SIAE: variants seen among roughly 807,000 people sequenced by gnomAD.
SIAE encodes the protein sialic acid acetylesterase, also known as sialate O-acetylesterase.
In SIAE, 39 loss-of-function variants were observed where a neutral mutation model predicts 52.6. That is an observed-to-expected ratio of 0.74 (90% CI 0.57 to 0.97). The LOEUF (loss-of-function observed/expected upper bound fraction) is 0.97, where lower values mean the gene tolerates loss of function less well. Ranked by LOEUF, SIAE falls within the 50% of genes least tolerant of loss-of-function variation. The pLI is 0.00. For missense variants in SIAE, 592 were observed against 662.1 expected (o/e 0.89, Z 1.16); for synonymous variants, 233 against 241.4 (o/e 0.97, Z 0.32).
At chr11:124,673,851 TTCTCGGCCGCCG>T, upstream of SIAE, 1 of 780,280 alleles carries the variant, frequency 1.3e-6, no homozygotes. Flanking sequence ...TACTCGCCCC[TTCTCGGCCGCCG>T]TAGTTTTTTT....
chr11:124,671,697 A>C (rs1290686170), intron 1 of SIAE, among the ~76,000 whole-genome samples: 1 of 152,290 alleles, frequency 6.6e-6, no homozygotes, highest in East Asian at 1.9e-4. Context: ...AGAGAATGAG[A>C]AAGAGAGCAA....
intron 3 of SIAE, among the ~76,000 whole-genome samples, chr11:124,657,725 G>A (rs1943123878): frequency 6.6e-6 from 1 of 152,154 alleles, no homozygotes; most frequent in Non-Finnish European, 1.5e-5. Context: ...CAAAAATGGG[G>A]GTGGGGACCA....
intron 3 of SIAE, chr11:124,659,630 T>C (rs1943153819): frequency 1.1e-5 from 1 of 94,430 alleles, no homozygotes; most frequent in African/African-American, 4.9e-5. Context: ...AAGGACCTTA[T>C]CTCTTTAAAA....
intron 3 of SIAE, 66 bp from the exon 4 acceptor site, chr11:124,654,859 AAC>A: frequency 3.1e-6 from 5 of 1,588,984 alleles, no homozygotes; most frequent in Non-Finnish European, 4.3e-6. Context: ...CCTCTTAGTA[AAC>A]ATCAGTCCTC....
chr11:124,637,593 G>A (rs1234837623), intron 9 of SIAE, among the ~76,000 whole-genome samples: 5 of 152,140 alleles, frequency 3.3e-5, no homozygotes, highest in African/African-American at 1.2e-4. Context: ...GGCACTCCCA[G>A]AGCCACTGCA....
At chr11:124,664,436 A>G (rs1943242693) in intron 2 of SIAE, among the ~76,000 whole-genome samples, 3 of 152,032 alleles carry the variant, frequency 2.0e-5, no homozygotes, top group Admixed American at 6.6e-5. Context: ...AGGTTTCACC[A>G]TGTTGGCCAG....
chr11:124,676,056 G>A (rs1313317311), upstream of SIAE: 1 of 152,154 alleles, frequency 6.6e-6, no homozygotes, highest in Non-Finnish European at 1.5e-5. Context: ...TTGGTTGAAA[G>A]CCAAGGCAAA....
rs758961855 is a variant in SIAE, at chr11:124,636,571, C to T, written c.*380G>A. On this transcript the variant is annotated 3_prime_UTR_variant, in exon 10 of 10. Transcript: ENST00000263593. ...AGAAATTTTATAAAGAACACATGAA[C>T]ACTAGCTGGCCTATGTGGCCTTTAA... is the stretch of plus-strand genomic sequence containing the variant. The T allele has an allele frequency of 3.3e-6, 1 of 303,244 alleles. No individual in the cohort carries two copies. The highest frequency in any genetic ancestry group is 6.4e-6 in the Non-Finnish European group (1 of 157,012). The allele number at this position is 303,244 out of a possible 1,614,324, so 18.8% of individuals were successfully genotyped here. A position where few individuals can be genotyped will look rare whatever the true frequency, so the allele number is the denominator to read the frequency against.
chr11:124,676,076 C>T (rs1318230446), upstream of SIAE: 1 of 152,202 alleles, frequency 6.6e-6, no homozygotes. Flanking sequence ...AATTCCTTCA[C>T]TCCTATAAAT....
Position 124,673,680 on chromosome 11 carries a change from A to G in SIAE, c.29T>C (p.Leu10Pro). The G allele has an allele frequency of 6.2e-7, 1 of 1,613,638 alleles. No individual in the cohort carries two copies. Among genetic ancestry groups the G allele is most frequent in the Non-Finnish European group, 8.5e-7 (1 of 1,179,816 alleles). ...GGCCCACAGGATTAATGGCAGCACCAGCCCGAGTACAAGCCCCGGCGCGAC... is the reference window on the plus strand; with the variant it reads ...GGCCCACAGGATTAATGGCAGCACCGGCCCGAGTACAAGCCCCGGCGCGAC... MVAPGLVLG[L>P]VLPLILWADR... The change falls in exon 1 of 10, where the codon CTG becomes CCG. Residue 10 changes from leucine to proline, a missense_variant. Physicochemically the swap from Leu to Pro is moderately conservative, Grantham distance 98 (BLOSUM62 -3). Transcript: ENST00000263593.
intron 7 of SIAE, 133 bp from the exon 8 acceptor site, chr11:124,640,000 A>G (rs1942818932): frequency 9.1e-7 from 1 of 1,095,130 alleles, no homozygotes; most frequent in Non-Finnish European, 1.4e-6. Flanking sequence ...TGAGCTTCTT[A>G]CTGTTGTGGC....
intron 7 of SIAE, among the ~76,000 whole-genome samples, chr11:124,643,028 A>G (rs1331293716): frequency 6.6e-6 from 1 of 152,188 alleles, no homozygotes; most frequent in Non-Finnish European, 1.5e-5. Context: ...TCAGCAGAAG[A>G]TCCAGCTAAG....
intron 2 of SIAE, among the ~76,000 whole-genome samples, chr11:124,662,769 A>G (rs1383291891): frequency 6.6e-6 from 1 of 152,164 alleles, no homozygotes; most frequent in Non-Finnish European, 1.5e-5. Context: ...CAACTTCCTC[A>G]AAGACCTCAG....
Position 124,656,089 on chromosome 11 carries a change from C to T in SIAE, c.406-1296G>A, listed in dbSNP as rs150014414. On this transcript the variant is annotated intron_variant, in intron 3 of 9. Transcript: ENST00000263593. The stretch of plus-strand genomic sequence containing the variant: ...CATAAATGAATTTCAGGTTTAGACT[C>T]GGGTCCCGTCCCCAAGATATCTCAT... 2.1e-3 allele frequency among the ~76,000 whole-genome samples: 321 copies of T among 152,226 alleles called. 2 individuals carry two copies. Among genetic ancestry groups the T allele is most frequent in the Middle Eastern group, 6.8e-3 (2 of 294 alleles).
At chr11:124,639,895 A>T in intron 7 of SIAE, 28 bp from the exon 8 acceptor site, 1 of 1,612,430 alleles carries the variant, frequency 6.2e-7, no homozygotes, top group Non-Finnish European at 8.5e-7. Context: ...TGCTAATTTT[A>T]TTGTATCAGA....
At chr11:124,649,498 C>T (rs1455451265) in intron 5 of SIAE, 121 bp downstream of exon 5, 7 of 1,061,788 alleles carry the variant, frequency 6.6e-6, no homozygotes, top group Admixed American at 1.7e-5. Context: ...GAATAAATTA[C>T]ATACATTCAA....
intron 1 of SIAE, 98 bp downstream of exon 1, chr11:124,673,544 T>G: frequency 2.9e-5 from 41 of 1,422,836 alleles, no homozygotes; most frequent in Non-Finnish European, 4.0e-5. Context: ...TCGTCGACCT[T>G]GAGAAAGGGG....
At position 124,637,108 on chromosome 11, in the gene SIAE, T is replaced by C. The variant is rs958968169; in HGVS notation, c.1415A>G (p.His472Arg). 1.9e-6 allele frequency: 3 copies of C among 1,614,142 alleles called. No individual in the cohort carries two copies. Among genetic ancestry groups the C allele is most frequent in the Non-Finnish European group, 2.5e-6 (3 of 1,180,030 alleles). ...QSLTLAIDSC[H>R]GTVVALRYAW... ...ATAGCGGAGAGCAACCACAGTGCCA[T>C]GACAAGAATCGATCGCCAGGGTCAG... The change falls in exon 10 of 10, where the codon CAT becomes CGT. Residue 472 changes from histidine to arginine, a missense_variant. By Grantham distance (29) the His-to-Arg change is conservative. Transcript: ENST00000263593.
intron 3 of SIAE, among the ~76,000 whole-genome samples, chr11:124,655,712 C>T (rs1167672421): frequency 2.1e-4 from 32 of 152,024 alleles, no homozygotes; most frequent in Admixed American, 1.8e-3. Context: ...AGGAACCACA[C>T]CCCCCCACAC....
Sources: gnomAD v4.1 joint callset for allele counts (sites outside exome capture counted in the v4.1 genomes callset) on GRCh38, gnomAD v4.1.1 for gene constraint, MANE v1.5 for transcripts, NCBI Gene and HGNC (gene_info 2026-07-23, HGNC 2026-07-21) for gene names.